The following CAMTA1 variants were observed in gnomAD, a reference collection of about 807,000 sequenced individuals.
CAMTA1 encodes calmodulin binding transcription activator 1, also known as calmodulin-binding transcription activator 1.
Under a neutral mutation model 170.9 loss-of-function variants are expected in CAMTA1, and 27 were observed. That is an observed-to-expected ratio of 0.16 (90% CI 0.12 to 0.22). The LOEUF (loss-of-function observed/expected upper bound fraction) is 0.22, where lower values mean the gene tolerates loss of function less well. Among genes scored for constraint, CAMTA1 ranks in the 10% least tolerant of loss-of-function variants. CAMTA1 has a pLI of 1.00. For missense variants in CAMTA1, 1,619 were observed against 2,217.2 expected (o/e 0.73, Z 5.42); for synonymous variants, 833 against 891.5 (o/e 0.93, Z 1.17).
intron 3 of CAMTA1, among the ~76,000 whole-genome samples, chr1:6,987,029 G>A (rs922366099): frequency 3.9e-5 from 6 of 152,010 alleles, no homozygotes; most frequent in Non-Finnish European, 8.8e-5. Context: ...TCATTTGTGT[G>A]TCTCTGAGTT....
At chr1:6,924,170 G>C (rs943972377) in intron 3 of CAMTA1, among the ~76,000 whole-genome samples, 7 of 152,190 alleles carry the variant, frequency 4.6e-5, no homozygotes, top group Non-Finnish European at 1.5e-5. Flanking sequence ...ACTGTTCCCG[G>C]GACTGGGTGT....
rs565832742 is a variant in CAMTA1, at chr1:7,499,714, G to T, written c.510+31813G>T. ...TGCGTGCATATGTATATGAGTGTGT[G>T]TGTGCATGTGTGTCCATGAGTGAGT... On this transcript the variant is annotated intron_variant, in intron 6 of 22. Transcript: ENST00000303635. Among the ~76,000 whole-genome samples, 8 of 147,056 alleles carry T rather than the reference G, an allele frequency of 5.4e-5. 1 individual carries two copies. In the East Asian group the frequency reaches 1.8e-3, roughly 33 times the overall value.
At chr1:7,709,184 A>G (rs1440276089) in intron 11 of CAMTA1, among the ~76,000 whole-genome samples, 1 of 152,102 alleles carries the variant, frequency 6.6e-6, no homozygotes. Context: ...CTCCCCTCCC[A>G]GATTAGATTA....
At chr1:7,672,240 C>A in intron 10 of CAMTA1, 1 of 364,146 alleles carries the variant, frequency 2.7e-6, no homozygotes, top group Non-Finnish European at 5.5e-6. Context: ...GAGTACAGAG[C>A]TGGCCAGTGC....
intron 6 of CAMTA1, among the ~76,000 whole-genome samples, chr1:7,479,961 G>C (rs2093485622): frequency 6.6e-6 from 1 of 152,012 alleles, no homozygotes; most frequent in Non-Finnish European, 1.5e-5. Context: ...CAGTGTGTGA[G>C]TACACAAGTG....
chr1:7,413,307 C>T (rs1220542290), intron 5 of CAMTA1, among the ~76,000 whole-genome samples: 1 of 152,098 alleles, frequency 6.6e-6, no homozygotes. Flanking sequence ...CCATTGGTAG[C>T]TTGATGGGGA....
chr1:7,030,927 C>T (rs146464779), intron 3 of CAMTA1, among the ~76,000 whole-genome samples: 6,948 of 151,296 alleles, frequency 0.046, 187 homozygotes, highest in Middle Eastern at 0.14. Context: ...CTCCGCCTCC[C>T]GGGTTCACGC....
intron 3 of CAMTA1, among the ~76,000 whole-genome samples, chr1:6,868,700 T>G (rs540627876): frequency 1.3e-5 from 2 of 152,310 alleles, no homozygotes; most frequent in South Asian, 4.1e-4. Context: ...TTGGAAAAGG[T>G]ATCCCTATAA....
At chr1:7,712,584 G>T (rs1173636569) in intron 11 of CAMTA1, among the ~76,000 whole-genome samples, 3 of 152,162 alleles carry the variant, frequency 2.0e-5, no homozygotes. Flanking sequence ...CTCCCCAAGT[G>T]CTAGGATTAC....
intron 3 of CAMTA1, among the ~76,000 whole-genome samples, chr1:6,828,890 GTTTTTTTTTT>G (rs1026284603): frequency 2.9e-5 from 3 of 101,994 alleles, no homozygotes; most frequent in African/African-American, 4.0e-5. Flanking sequence ...CTGTAACGTA[GTTTTTTTTTT>G]TTTTTTTTTT....
chr1:6,929,355 TTTTTG>T (rs1158980458), intron 3 of CAMTA1, among the ~76,000 whole-genome samples: 17 of 151,114 alleles, frequency 1.1e-4, no homozygotes, highest in African/African-American at 4.1e-4. Context: ...AATTTTTTTT[TTTTTG>T]TTTGTTTGTT....
intron 5 of CAMTA1, among the ~76,000 whole-genome samples, chr1:7,257,076 C>CGGGGGGGGG (rs146110106): frequency 6.7e-5 from 9 of 135,150 alleles, no homozygotes; most frequent in Non-Finnish European, 9.8e-5. Flanking sequence ...CATCGCATGG[C>CGGGGGGGGG]GGGGGCGGGG....
At chr1:7,036,212 C>T (rs7553111) in intron 3 of CAMTA1, among the ~76,000 whole-genome samples, 9,223 of 151,992 alleles carry the variant, frequency 0.061, 320 homozygotes, top group Middle Eastern at 0.11. Context: ...ACAGAAAATA[C>T]GATTGGTTGG....
intron 4 of CAMTA1, among the ~76,000 whole-genome samples, chr1:7,196,094 G>T (rs112220653): frequency 0.013 from 2,041 of 152,250 alleles, 36 homozygotes; most frequent in African/African-American, 0.046. Context: ...GGAGGGGCCT[G>T]CAGGAGGTGA....
chr1:7,745,138 A>G, intron 17 of CAMTA1, 116 bp downstream of exon 17: 1 of 978,828 alleles, frequency 1.0e-6, no homozygotes, highest in Non-Finnish European at 1.5e-6. Context: ...CCAAGGAAGG[A>G]AGGAAGCATG....
chr1:7,123,512 G>A (rs984474349), intron 4 of CAMTA1, among the ~76,000 whole-genome samples: 13 of 152,092 alleles, frequency 8.5e-5, no homozygotes, highest in African/African-American at 1.9e-4. Flanking sequence ...CGTCTGCTGC[G>A]TGCCCCTGCC....
In CAMTA1 at chr1:7,633,502, C is replaced by G. The variant is rs1271809865; in HGVS notation, c.511-6898C>G. On this transcript the variant is annotated intron_variant, in intron 6 of 22. Coordinates refer to ENST00000303635, the MANE Select transcript of CAMTA1 (RefSeq NM_015215.4). This position sits in a 1 kb window ranked among gnomAD's most constrained non-coding sequence, Gnocchi z 4.1. ...TGGACACCGACTCCTTCCCCGCACC[C>G]TAGTCTCTGTCTGTCCCTCTAGAAG... is the stretch of plus-strand genomic sequence containing the variant. Among the ~76,000 whole-genome samples, 1 of 152,214 alleles carries G rather than the reference C, an allele frequency of 6.6e-6. No homozygotes were observed. Among genetic ancestry groups the G allele is most frequent in the Non-Finnish European group, 1.5e-5 (1 of 68,026 alleles).
chr1:7,042,351 C>G (rs1485657735), intron 3 of CAMTA1, among the ~76,000 whole-genome samples: 1 of 152,218 alleles, frequency 6.6e-6, no homozygotes, highest in East Asian at 1.9e-4. Context: ...GTTTCTTCCT[C>G]TTGTTCCTGG....
At chr1:7,241,721 A>T (rs1236252223) in intron 4 of CAMTA1, among the ~76,000 whole-genome samples, 1 of 152,196 alleles carries the variant, frequency 6.6e-6, no homozygotes, top group Non-Finnish European at 1.5e-5. Context: ...GTTTAAATTT[A>T]AAAAATGGTG....
Sources: gnomAD v4.1 joint callset for allele counts (sites outside exome capture counted in the v4.1 genomes callset) on GRCh38, gnomAD v4.1.1 for gene constraint, Gnocchi (gnomAD v3.1) non-coding constraint, MANE v1.5 for transcripts, NCBI Gene and HGNC (gene_info 2026-07-23, HGNC 2026-07-21) for gene names.